MED12: variants seen among roughly 807,000 people sequenced by gnomAD.
The protein encoded by MED12 is mediator of RNA polymerase II transcription subunit 12.
Under a neutral mutation model 177.7 loss-of-function variants are expected in MED12, and 10 were observed. That is an observed-to-expected ratio of 0.06 (90% CI 0.03 to 0.10). The LOEUF (loss-of-function observed/expected upper bound fraction) is 0.10. Ranked by LOEUF, MED12 falls within the 10% of genes least tolerant of loss-of-function variation. MED12 has a pLI of 1.00. For missense variants in MED12, 867 were observed against 1,780.8 expected (o/e 0.49, Z 9.23); for synonymous variants, 641 against 678.4 (o/e 0.94, Z 0.86).
intron 19 of MED12, 52 bp downstream of exon 19, chrX:71,126,536 G>T (rs376538771): frequency 2.4e-5 from 28 of 1,181,126 alleles, no homozygotes; most frequent in Non-Finnish European, 2.9e-5. Flanking sequence ...GCCATATAGC[G>T]GCTACGGAGG....
At chrX:71,123,510 G>C in intron 11 of MED12, 84 bp from the exon 12 acceptor site, 2 of 1,102,138 alleles carry the variant, frequency 1.8e-6, no homozygotes, top group Non-Finnish European at 2.5e-6. Context: ...TAGAGGTCAA[G>C]CAGGTGGTAG....
At chrX:71,134,690 TTC>T in intron 34 of MED12, 21 bp from the exon 35 acceptor site, 1 of 1,210,891 alleles carries the variant, frequency 8.3e-7, no homozygotes, top group South Asian at 1.8e-5. Context: ...TTCTTTGGTT[TTC>T]TCTCTGGCTT....
At chrX:71,133,009 T>A in intron 32 of MED12, 53 bp downstream of exon 32, 1 of 1,062,782 alleles carries the variant, frequency 9.4e-7, no homozygotes, top group Non-Finnish European at 1.3e-6. Flanking sequence ...AGGATGCACC[T>A]AAGGGGTTAC....
At chrX:71,135,365 GTC>G in intron 36 of MED12, 112 bp downstream of exon 36, 3 of 844,253 alleles carry the variant, frequency 3.6e-6, no homozygotes, top group Non-Finnish European at 5.3e-6. Flanking sequence ...GAGCCCATCA[GTC>G]TCTGCCGGTG....
chrX:71,128,606 C>T lies in MED12; in HGVS notation c.3363C>T (p.Asp1121=). ...NDLLCNVDVS[D]LSFHDSLATF... is the part of the protein sequence containing the mutation. Reference sequence around the variant, plus strand: ...TCTGTTTTTTCCTCCAGGTCAGTGACCTATCTTTTCATGACTCGCTGGCTA... The same window carrying T: ...TCTGTTTTTTCCTCCAGGTCAGTGATCTATCTTTTCATGACTCGCTGGCTA... The change falls in exon 24 of 45, where the codon GAC becomes GAT. Residue 1121 remains aspartate (D), a synonymous_variant. Transcript: ENST00000374080. 1 of 1,211,134 alleles carries T rather than the reference C, an allele frequency of 8.3e-7. No individual in the cohort carries two copies. Among genetic ancestry groups the T allele is most frequent in the Non-Finnish European group, 1.1e-6 (1 of 895,448 alleles).
Position 71,129,850 on chromosome X carries a change from C to G in MED12, c.3862C>G (p.Gln1288Glu). ...YAKYVLRSIC[Q>E]QEWVGERCLK... ...CAAGTACGTGCTGCGCAGCATCTGC[C>G]AACAGGTCAGTTTCACCTTCCTCCC... Residue 1288 changes from glutamine to glutamate, a missense_variant, in exon 27 of 45, where the codon CAA (glutamine) becomes GAA (glutamate). Gln to Glu is a conservative substitution (Grantham distance 29). This residue lies in a region of MED12 where 11 missense variants were observed against 48.4 expected (regional missense o/e 0.23). Transcript: ENST00000374080. 8.3e-7 allele frequency: 1 copy of G among 1,211,511 alleles called. No homozygotes were observed. Among genetic ancestry groups the G allele is most frequent in the Non-Finnish European group, 1.1e-6 (1 of 895,235 alleles).
At chrX:71,135,791 G>A (rs535512621) in intron 36 of MED12, among the ~76,000 whole-genome samples, 2 of 110,880 alleles carry the variant, frequency 1.8e-5, no homozygotes, top group East Asian at 2.8e-4. Flanking sequence ...TGTCTGACTC[G>A]TTTGCCTTTC....
At position 71,135,097 on chromosome X, in the gene MED12, G is replaced by A; in HGVS notation, c.4869G>A (p.Glu1623=). 2.5e-6 allele frequency: 3 copies of A among 1,211,458 alleles called. No individual in the cohort carries two copies. Among genetic ancestry groups the A allele is most frequent in the Non-Finnish European group, 3.4e-6 (3 of 895,464 alleles). The change falls in exon 36 of 45, where the codon GAG becomes GAA. Residue 1623 remains glutamate, a synonymous_variant. Transcript: ENST00000374080. ...YMNLAKKLQK[E]LGERQSDSLE... is the part of the protein sequence containing the mutation. ...CCATCTTCCTGTGCCTGCAGAAGGA[G>A]TTGGGGGAGCGCCAGTCAGACAGTC...
chrX:71,137,138 A>G (rs2092334635), intron 38 of MED12, 49 bp from the exon 39 acceptor site: 1 of 1,197,008 alleles, frequency 8.4e-7, no homozygotes, highest in Non-Finnish European at 1.1e-6. Flanking sequence ...ACACTGAGCA[A>G]GAGACAGAGG....
intron 16 of MED12, 79 bp downstream of exon 16, chrX:71,125,574 C>T: frequency 8.5e-7 from 1 of 1,179,895 alleles, no homozygotes; most frequent in East Asian, 3.0e-5. Flanking sequence ...TAGGGAACTC[C>T]CCAGTCATGT....
intron 36 of MED12, among the ~76,000 whole-genome samples, chrX:71,135,580 CTT>C (rs1204858118): frequency 9.0e-6 from 1 of 111,501 alleles, no homozygotes; most frequent in African/African-American, 3.3e-5. Flanking sequence ...GCCTGTATCT[CTT>C]TTATTTCTGT....
Position 71,130,168 on chromosome X carries a change from A to G in MED12, c.4001A>G (p.Glu1334Gly), listed in dbSNP as rs372238830. The change falls in exon 28 of 45, where the codon GAG becomes GGG. Residue 1334 changes from glutamate to glycine, a missense_variant. Physicochemically the swap from Glu to Gly is moderately conservative, Grantham distance 98. Around this residue, in one of 14 missense-constraint regions of MED12, gnomAD observed 46 missense variants for 71.7 expected, o/e 0.64. Coordinates refer to ENST00000374080, the MANE Select transcript of MED12 (RefSeq NM_005120.3). ...TATCCACATCGACTGCTGGACAATG[A>G]GGATGGGGAAAACCCCCAGCGGCAG... ...ICYPHRLLDNEDGENPQRQRI... is the reference protein window; with the variant it reads ...ICYPHRLLDNGDGENPQRQRI... The G allele has an allele frequency of 8.3e-7, 1 of 1,209,690 alleles. No individual in the cohort carries two copies. The highest frequency in any genetic ancestry group is 1.1e-6 in the Non-Finnish European group (1 of 894,101).
chrX:71,122,067 G>C lies in MED12; in HGVS notation c.1102-133G>C. Reference sequence around the variant, plus strand: ...AAGTGAGTGAAGGGAGGGGATCGGGGTGGAGTGATGCCTGTCTTGGGGACC... The same window carrying C: ...AAGTGAGTGAAGGGAGGGGATCGGGCTGGAGTGATGCCTGTCTTGGGGACC... On this transcript the variant is annotated intron_variant, in intron 7 of 44. Transcript: ENST00000374080. 4.4e-6 allele frequency: 4 copies of C among 918,505 alleles called. No individual in the cohort carries two copies. In the Admixed American group the frequency reaches 8.8e-5, roughly 20 times the overall value. The allele number at this position is 918,505 out of a possible 1,213,427, so 75.7% of individuals were successfully genotyped here.
rs2092347399 is a variant in MED12, at chrX:71,141,343, C to G, written c.6381C>G (p.Pro2127=). The G allele has an allele frequency of 8.6e-7, 1 of 1,157,791 alleles. No homozygotes were observed. Among genetic ancestry groups the G allele is most frequent in the Middle Eastern group, 2.3e-4 (1 of 4,265 alleles). The part of the protein sequence containing the change: ...QQQQQQQAAP[P]QPQPQSQPQF... ...AACAGCAGCAACAGGCGGCTCCTCC[C>G]CAACCCCAGCCCCAGTCCCAGCCCC... is the stretch of plus-strand genomic sequence containing the variant. The change falls in exon 43 of 45, where the codon CCC becomes CCG. Residue 2127 remains proline (P), a synonymous_variant. Transcript: ENST00000374080.
chrX:71,123,472 C>T (rs1302025282), intron 11 of MED12, 122 bp from the exon 12 acceptor site: 2 of 887,813 alleles, frequency 2.3e-6, no homozygotes, highest in East Asian at 3.1e-5. Context: ...TGGAGGTCAG[C>T]AGGGGAATGA....
Position 71,121,964 on chromosome X carries a change from T to A in MED12, c.1101+148T>A, listed in dbSNP as rs181870315. 2.0e-4 allele frequency: 193 copies of A among 953,743 alleles called. No individual in the cohort carries two copies. In the African/African-American group the frequency reaches 3.3e-3, roughly 16 times the overall value. The allele number at this position is 953,743 out of a possible 1,213,427, so 78.6% of individuals were successfully genotyped here. ...AGGTTGTTGTTTCTTGGTAATGGGG[T>A]GTTAGTCCCCTTTGGGGGTTTTCAC... is the stretch of plus-strand genomic sequence containing the variant. On this transcript the variant is annotated intron_variant, in intron 7 of 44. Coordinates refer to ENST00000374080, the MANE Select transcript of MED12 (RefSeq NM_005120.3).
At chrX:71,133,271 A>G (rs1443045322) in intron 33 of MED12, 59 bp downstream of exon 33, 38 of 829,232 alleles carry the variant, frequency 4.6e-5, no homozygotes, top group Non-Finnish European at 6.7e-5. Context: ...GCGGAGTGCA[A>G]AAGCCTCAGG....
rs2092322569 is a variant in MED12, at chrX:71,132,976, G to A, written c.4527+20G>A. 1.8e-6 allele frequency: 2 copies of A among 1,139,376 alleles called. No individual in the cohort carries two copies. The highest frequency in any genetic ancestry group is 1.9e-5 in the South Asian group (1 of 52,529). The allele number at this position is 1,139,376 out of a possible 1,213,427, so 93.9% of individuals were successfully genotyped here. On this transcript the variant is annotated intron_variant, in intron 32 of 44. Transcript: ENST00000374080. ...CACCAGGTACAGATCTCTGGGCCATGGAGGTGGGCAGGAGGTCAGGGAAGG... is the reference window on the plus strand; with the variant it reads ...CACCAGGTACAGATCTCTGGGCCATAGAGGTGGGCAGGAGGTCAGGGAAGG...
chrX:71,126,336 A>T lies in MED12; in HGVS notation c.2542-5A>T. 5.8e-6 allele frequency: 7 copies of T among 1,211,200 alleles called. No individual in the cohort carries two copies. The highest frequency in any genetic ancestry group is 7.8e-6 in the Non-Finnish European group (7 of 895,260). On this transcript the variant is annotated splice_polypyrimidine_tract_variant and splice_region_variant and intron_variant, in intron 18 of 44. Coordinates refer to ENST00000374080, the MANE Select transcript of MED12 (RefSeq NM_005120.3). The stretch of plus-strand genomic sequence containing the variant: ...CTCCCATCTCACTCCCACTGCCCTT[A>T]TCAGGTCTCCCGGAATGTTCTGGAG...
Sources: gnomAD v4.1 joint callset for allele counts (sites outside exome capture counted in the v4.1 genomes callset) on GRCh38, gnomAD v4.1.1 for gene constraint, gnomAD v4.1.1 regional missense constraint, MANE v1.5 for transcripts, NCBI Gene and HGNC (gene_info 2026-07-23, HGNC 2026-07-21) for gene names.